The following SH3RF3 variants were observed in gnomAD, a reference collection of about 807,000 sequenced individuals.
SH3RF3 encodes SH3 domain containing ring finger 3, also known as E3 ubiquitin-protein ligase SH3RF3.
A neutral mutation model predicts 66.3 loss-of-function variants in SH3RF3; 29 were observed. The observed-to-expected ratio is 0.44, with a 90% confidence interval of 0.33 to 0.60. The LOEUF (loss-of-function observed/expected upper bound fraction) is 0.60, where lower values mean the gene tolerates loss of function less well. SH3RF3 is among the 20% of genes least tolerant of loss of function. SH3RF3 has a pLI of 0.04. For synonymous variants in SH3RF3, 583 were observed against 532.0 expected (o/e 1.10, Z -1.32); for missense variants, 1,194 against 1,190.9 (o/e 1.00, Z -0.04).
chr2:109,301,318 G>A (rs1486215620), intron 1 of SH3RF3, among the ~76,000 whole-genome samples: 1 of 143,318 alleles, frequency 7.0e-6, no homozygotes, highest in Non-Finnish European at 1.5e-5. Flanking sequence ...TGGGGGGCGG[G>A]CTGTGTATCT....
Position 109,184,112 on chromosome 2 carries a change from C to T in SH3RF3, c.573+53999C>T, listed in dbSNP as rs990010511. 6.6e-5 allele frequency among the ~76,000 whole-genome samples: 10 copies of T among 152,154 alleles called. No homozygotes were observed. In the East Asian group the frequency reaches 1.2e-3, roughly 18 times the overall value. On this transcript the variant is annotated intron_variant, in intron 1 of 9. Transcript: ENST00000309415. ...GCCCATGTGGTGGTTCCATGTGCTT[C>T]GTAGTCTCCTGCATGTGCTTCAAGG...
At chr2:109,482,485 T>G (rs1176177650) in intron 8 of SH3RF3, among the ~76,000 whole-genome samples, 1 of 152,150 alleles carries the variant, frequency 6.6e-6, no homozygotes, top group East Asian at 1.9e-4. Context: ...TTCTTGAAGT[T>G]CCTCAGGGAG....
chr2:109,239,553 C>T (rs951830294), intron 1 of SH3RF3, among the ~76,000 whole-genome samples: 3 of 152,156 alleles, frequency 2.0e-5, no homozygotes, highest in Non-Finnish European at 4.4e-5. Context: ...ATGAGGGACA[C>T]GGGGTTAGTG....
intron 1 of SH3RF3, among the ~76,000 whole-genome samples, chr2:109,340,660 T>C (rs1311572542): frequency 6.6e-6 from 1 of 152,188 alleles, no homozygotes; most frequent in Non-Finnish European, 1.5e-5. Context: ...AAGTAGTCAA[T>C]GATCATTGTT....
intron 1 of SH3RF3, among the ~76,000 whole-genome samples, chr2:109,243,250 A>G (rs1306935422): frequency 6.6e-6 from 1 of 152,250 alleles, no homozygotes; most frequent in East Asian, 1.9e-4. Context: ...CCCATCAGCA[A>G]CTGCCAGTCC....
chr2:109,261,052 A>G (rs1040471325), intron 1 of SH3RF3, among the ~76,000 whole-genome samples: 4 of 152,178 alleles, frequency 2.6e-5, no homozygotes, highest in Non-Finnish European at 5.9e-5. Context: ...GGTCAGTAGC[A>G]TGAGCACTTG....
chr2:109,145,549 C>T (rs1574473055), intron 1 of SH3RF3, among the ~76,000 whole-genome samples: 1 of 152,236 alleles, frequency 6.6e-6, no homozygotes, highest in African/African-American at 2.4e-5. Flanking sequence ...CTCACACATC[C>T]TCCACCCCTA....
At chr2:109,262,908 C>T (rs1177044576) in intron 1 of SH3RF3, among the ~76,000 whole-genome samples, 1 of 152,186 alleles carries the variant, frequency 6.6e-6, no homozygotes, top group Non-Finnish European at 1.5e-5. Flanking sequence ...TCTTGGCTCA[C>T]TGCAACCTTT....
At chr2:109,156,225 G>A (rs1274896335) in intron 1 of SH3RF3, among the ~76,000 whole-genome samples, 1 of 152,196 alleles carries the variant, frequency 6.6e-6, no homozygotes, top group East Asian at 1.9e-4. Flanking sequence ...GTGGGTTGAG[G>A]GGGCTGGCAG....
At chr2:109,304,523 G>T (rs1017779790) in intron 1 of SH3RF3, among the ~76,000 whole-genome samples, 1 of 152,196 alleles carries the variant, frequency 6.6e-6, no homozygotes, top group Admixed American at 6.5e-5. Context: ...ACCCCAGGGT[G>T]TCAGTGATGT....
intron 1 of SH3RF3, among the ~76,000 whole-genome samples, chr2:109,155,390 T>C (rs1677320449): frequency 6.6e-6 from 1 of 152,194 alleles, no homozygotes; most frequent in Admixed American, 6.5e-5. Context: ...AAGCTCCGCC[T>C]CCTGAGTTCA....
intron 1 of SH3RF3, among the ~76,000 whole-genome samples, chr2:109,266,592 C>T (rs764057602): frequency 2.4e-4 from 37 of 152,112 alleles, no homozygotes; most frequent in Non-Finnish European, 4.4e-4. Context: ...TGCCCGTCAC[C>T]GAGACCTTGG....
chr2:109,372,892 GATGTT>G (rs1683306137), intron 3 of SH3RF3, among the ~76,000 whole-genome samples: 4 of 152,228 alleles, frequency 2.6e-5, no homozygotes, highest in Non-Finnish European at 5.9e-5. Context: ...GATACTTAAA[GATGTT>G]TGTTTAAAAC....
At chr2:109,197,990 T>G (rs1050323147) in intron 1 of SH3RF3, among the ~76,000 whole-genome samples, 9 of 152,228 alleles carry the variant, frequency 5.9e-5, no homozygotes, top group Admixed American at 5.2e-4. Flanking sequence ...TTGAGGTTTT[T>G]CACAGAGTTG....
At chr2:109,495,464 A>G (rs1453994327) in intron 9 of SH3RF3, among the ~76,000 whole-genome samples, 1 of 139,224 alleles carries the variant, frequency 7.2e-6, no homozygotes, top group African/African-American at 2.8e-5. Flanking sequence ...TTCATCCTGA[A>G]TATCTTTCAT....
chr2:109,374,845 G>A (rs1025912755), intron 3 of SH3RF3, among the ~76,000 whole-genome samples: 1 of 152,202 alleles, frequency 6.6e-6, no homozygotes. Flanking sequence ...CCTGGCCTCA[G>A]CTTCCCATCA....
intron 4 of SH3RF3, among the ~76,000 whole-genome samples, chr2:109,406,577 GT>G (rs1676458730): frequency 6.6e-6 from 1 of 152,148 alleles, no homozygotes; most frequent in South Asian, 2.1e-4. Context: ...GCCACTACTT[GT>G]TTTGGTAAAT....
At chr2:109,494,075 G>C (rs186911307) in intron 9 of SH3RF3, among the ~76,000 whole-genome samples, 12 of 152,318 alleles carry the variant, frequency 7.9e-5, no homozygotes, top group African/African-American at 2.9e-4. Context: ...CTTTGGGATA[G>C]TTCAAAGCTG....
At chr2:109,149,056 T>G (rs1269441710) in intron 1 of SH3RF3, among the ~76,000 whole-genome samples, 1 of 152,190 alleles carries the variant, frequency 6.6e-6, no homozygotes, top group African/African-American at 2.4e-5. Context: ...GCTCTTTCCT[T>G]CCTTCAGAGG....
Sources: allele counts gnomAD v4.1 joint callset (sites outside exome capture counted in the v4.1 genomes callset), GRCh38; gene constraint gnomAD v4.1.1; transcripts MANE v1.5; gene names NCBI Gene and HGNC (gene_info 2026-07-23, HGNC 2026-07-21).